Variants in CLIP2 observed in about 807,000 individuals in gnomAD.
The protein encoded by CLIP2 is CAP-Gly domain-containing linker protein 2.
CLIP2 carries 41 observed loss-of-function variants against 111.7 expected under a neutral mutation model. The observed-to-expected ratio is 0.37, with a 90% CI of 0.29 to 0.48. CLIP2 has a LOEUF of 0.48. CLIP2 is among the 20% of genes least tolerant of loss of function. CLIP2 has a pLI of 0.99. For missense variants in CLIP2, 1,160 were observed against 1,422.1 expected (o/e 0.82, Z 2.96); for synonymous variants, 660 against 644.2 (o/e 1.02, Z -0.37).
In CLIP2 at chr7:74,328,819, C is replaced by T. The variant is rs368127535; in HGVS notation, c.122-9629C>T. ...TCACCCAGGCTGGACTGCAGTGGTG[C>T]GATCATGGCTCACTGCAGCCTCCAA... On this transcript the variant is annotated intron_variant, in intron 2 of 16. Transcript: ENST00000223398. 4.4e-4 allele frequency among the ~76,000 whole-genome samples: 67 copies of T among 151,984 alleles called. 1 individual carries two copies. The South Asian group carries it at 0.011, about 26-fold the overall frequency.
rs782261413 is a variant in CLIP2 at position 74,358,664 on chromosome 7, G to A, written c.1215+1187G>A. The stretch of plus-strand genomic sequence containing the variant: ...TGACGCCATCATAGCTCCACTCCTG[G>A]GTTCAAGTGATCCTCCCACCTCAGC... On this transcript the variant is annotated intron_variant, in intron 6 of 16. Transcript: ENST00000223398. Among the ~76,000 whole-genome samples the A allele has an allele frequency of 1.2e-3, 179 of 151,660 alleles. 12 individuals carry two copies. Among genetic ancestry groups the A allele is most frequent in the South Asian group, 2.7e-3 (13 of 4,798 alleles).
intron 2 of CLIP2, among the ~76,000 whole-genome samples, chr7:74,322,990 A>G (rs1789004421): frequency 6.6e-6 from 1 of 152,006 alleles, no homozygotes; most frequent in Admixed American, 6.6e-5. Context: ...CGGCCTTCCA[A>G]AGCGCTGGGA....
intron 2 of CLIP2, among the ~76,000 whole-genome samples, chr7:74,331,524 C>G (rs1267572718): frequency 6.9e-6 from 1 of 145,316 alleles, no homozygotes; most frequent in South Asian, 2.2e-4. Context: ...TTGTTTCTTT[C>G]TTTCTTTTCT....
At position 74,375,944 on chromosome 7, in the gene CLIP2, C is replaced by G; in HGVS notation, c.1543C>G (p.Arg515Gly). The G allele has an allele frequency of 6.2e-7, 1 of 1,601,594 alleles. No homozygotes were observed. Among genetic ancestry groups the G allele is most frequent in the Admixed American group, 1.7e-5 (1 of 58,112 alleles). The part of the protein sequence containing the change: ...VLQLEEELTL[R>G]RGEIEELQQC... ...GCAGCTGGAGGAGGAGCTCACCCTGCGCCGAGGTGAAATCGAGGAGCTCCA... is the reference window on the plus strand; with the variant it reads ...GCAGCTGGAGGAGGAGCTCACCCTGGGCCGAGGTGAAATCGAGGAGCTCCA... Residue 515 changes from arginine to glycine, a missense_variant, in exon 10 of 17, where the codon CGC becomes GGC. Arg to Gly is a moderately radical substitution (Grantham distance 125). Transcript: ENST00000223398.
Position 74,360,298 on chromosome 7 carries a change from C to T in CLIP2, c.1319+20C>T, listed in dbSNP as rs889918838. The stretch of plus-strand genomic sequence containing the variant: ...GAGGAGGTACGTGCTGGCCCACCCT[C>T]GCCCTGGCCCTGAGTCCCCTTAAGG... On this transcript the variant is annotated intron_variant, in intron 7 of 16. Coordinates refer to ENST00000223398, the MANE Select transcript of CLIP2 (RefSeq NM_003388.5). 7.1e-6 allele frequency: 11 copies of T among 1,554,352 alleles called. No homozygotes were observed. Among genetic ancestry groups the T allele is most frequent in the African/African-American group, 4.1e-5 (3 of 73,640 alleles).
intron 16 of CLIP2, among the ~76,000 whole-genome samples, 188 bp from the exon 17 acceptor site, chr7:74,403,649 T>A (rs1445044545): frequency 6.6e-6 from 1 of 152,156 alleles, no homozygotes; most frequent in Admixed American, 6.6e-5. Flanking sequence ...CCACCCCACC[T>A]GCTGTCTCAC....
Position 74,382,291 on chromosome 7 carries a change from T to C in CLIP2, c.2479+1428T>C, listed in dbSNP as rs529090452. Among the ~76,000 whole-genome samples, 12 of 140,636 alleles carry C rather than the reference T, an allele frequency of 8.5e-5. No individual in the cohort carries two copies. In the East Asian group the frequency reaches 2.2e-3, roughly 25 times the overall value. The allele number at this position is 140,636 out of a possible 152,430, so 92.3% of individuals were successfully genotyped here. ...TTTTAGTAGAGACGGGGTTTCTCCA[T>C]GTTGGGGCTGGTCTTTTTTTTTTTT... On this transcript the variant is annotated intron_variant, in intron 11 of 16. Transcript: ENST00000223398.
chr7:74,348,256 A>G (rs1213887771), intron 3 of CLIP2, among the ~76,000 whole-genome samples: 1 of 152,136 alleles, frequency 6.6e-6, no homozygotes, highest in African/African-American at 2.4e-5. Flanking sequence ...AGGGGAGAAA[A>G]TCAAATAATT....
chr7:74,368,541 TA>T, intron 8 of CLIP2, among the ~76,000 whole-genome samples: 1 of 150,428 alleles, frequency 6.6e-6, no homozygotes. Context: ...AATAAATAAA[TA>T]AAAATAAATA....
intron 2 of CLIP2, among the ~76,000 whole-genome samples, chr7:74,318,590 A>T (rs1301022327): frequency 6.6e-6 from 1 of 152,032 alleles, no homozygotes; most frequent in African/African-American, 2.4e-5. Context: ...GCGGGCGCCT[A>T]TAGTCCCAGC....
chr7:74,389,015 G>C, intron 12 of CLIP2, 88 bp from the exon 13 acceptor site: 1 of 1,459,756 alleles, frequency 6.9e-7, no homozygotes, highest in Non-Finnish European at 9.2e-7. Flanking sequence ...GGGAGAATCA[G>C]CGCCCTGCCC....
At chr7:74,364,372 T>G (rs1446244374) in intron 8 of CLIP2, 57 bp downstream of exon 8, 1 of 1,499,454 alleles carries the variant, frequency 6.7e-7, no homozygotes, top group Non-Finnish European at 9.2e-7. Flanking sequence ...TGGCCCTTGC[T>G]AGGGCAGATG....
Position 74,400,419 on chromosome 7 carries a change from G to C in CLIP2, c.2930G>C (p.Arg977Pro), listed in dbSNP as rs2522943. The C allele has an allele frequency of 0.98, 1,577,467 of 1,613,808 alleles. 771,122 individuals are homozygous for C. Among genetic ancestry groups the C allele is most frequent in the East Asian group, 1 (44,867 of 44,870 alleles). ...CAGAGGCGCTACTCCCTCATCGACCGGTCCTCGGCGCCCGAGCTTCTGCGG... is the reference window on the plus strand; with the variant it reads ...CAGAGGCGCTACTCCCTCATCGACCCGTCCTCGGCGCCCGAGCTTCTGCGG... ...SDQRRYSLID[R>P]SSAPELLRLQ... Residue 977 changes from arginine to proline, a missense_variant, in exon 15 of 17, where the codon CGG becomes CCG. By Grantham distance (103) the Arg-to-Pro change is moderately radical (BLOSUM62 -2). This residue lies in a region of CLIP2 where 676 missense variants were observed against 777.8 expected (regional missense o/e 0.87). Transcript: ENST00000223398.
intron 5 of CLIP2, 54 bp from the exon 6 acceptor site, chr7:74,357,226 G>T: frequency 2.0e-6 from 3 of 1,528,610 alleles, no homozygotes; most frequent in Non-Finnish European, 1.8e-6. Context: ...GAGCCAGTCT[G>T]CCCTGCAGTG....
chr7:74,373,958 T>C (rs1023374652), intron 9 of CLIP2, among the ~76,000 whole-genome samples: 2 of 151,952 alleles, frequency 1.3e-5, no homozygotes, highest in African/African-American at 4.8e-5. Flanking sequence ...CAGCTCTGCT[T>C]GTGGGTGAGG....
intron 10 of CLIP2, among the ~76,000 whole-genome samples, chr7:74,379,322 C>T (rs1230662703): frequency 2.0e-5 from 3 of 150,336 alleles, no homozygotes; most frequent in Non-Finnish European, 4.4e-5. Flanking sequence ...GAGGGAGACT[C>T]CGTCTGGAAA....
chr7:74,333,983 G>A (rs1346017332), intron 2 of CLIP2, among the ~76,000 whole-genome samples: 1 of 152,222 alleles, frequency 6.6e-6, no homozygotes, highest in Non-Finnish European at 1.5e-5. Context: ...AAACTCCATC[G>A]TATATACATT....
At chr7:74,393,819 A>C (rs1275584669) in intron 13 of CLIP2, among the ~76,000 whole-genome samples, 1 of 152,206 alleles carries the variant, frequency 6.6e-6, no homozygotes, top group Non-Finnish European at 1.5e-5. Context: ...AGATGCGATG[A>C]GGCAATCTAG....
chr7:74,332,198 C>A (rs1165125764), intron 2 of CLIP2, among the ~76,000 whole-genome samples: 2 of 151,920 alleles, frequency 1.3e-5, no homozygotes, highest in African/African-American at 4.8e-5. Context: ...CTCAGCCTCT[C>A]GAGTAGCTGG....
Sources: gnomAD v4.1 joint callset for allele counts (sites outside exome capture counted in the v4.1 genomes callset) on GRCh38, gnomAD v4.1.1 for gene constraint, gnomAD v4.1.1 regional missense constraint, MANE v1.5 for transcripts, NCBI Gene and HGNC (gene_info 2026-07-23, HGNC 2026-07-21) for gene names.